The following TET3 variants were observed in gnomAD, a reference collection of about 807,000 sequenced individuals.
TET3 encodes tet methylcytosine dioxygenase 3, also known as methylcytosine dioxygenase TET3.
A neutral mutation model predicts 141.4 loss-of-function variants in TET3; 19 were observed. The observed-to-expected ratio is 0.13, with a 90% CI of 0.09 to 0.20. The LOEUF is 0.20. Among genes scored for constraint, TET3 ranks in the 10% least tolerant of loss-of-function variants. The probability of loss-of-function intolerance (pLI) is 1.00; values close to 1 mark genes in which losing one functional copy is unlikely to be tolerated. For synonymous variants in TET3, 1,043 were observed against 980.9 expected (o/e 1.06, Z -1.18); for missense variants, 1,874 against 2,356.9 (o/e 0.80, Z 4.24).
the TET3 span, among the ~76,000 whole-genome samples, chr2:74,131,696 G>A: frequency 6.6e-6 from 1 of 152,118 alleles, no homozygotes; most frequent in East Asian, 1.9e-4. Context: ...ACCGCACACT[G>A]TTTTTAAAAC....
chr2:74,047,118 C>T lies in TET3; in HGVS notation c.1201C>T (p.Leu401Phe). The T allele has an allele frequency of 6.2e-7, 1 of 1,613,972 alleles. No individual in the cohort carries two copies. Among genetic ancestry groups the T allele is most frequent in the South Asian group, 1.1e-5 (1 of 91,086 alleles). ...CCCTTTCAGATCTCCCCAGTCTTAC[C>T]TCCGGGCTCCCTCATGGCCTGTGGT... ...PAPFRSPQSY[L>F]RAPSWPVVPP... Residue 401 changes from leucine (L) to phenylalanine (F), a missense_variant, in exon 4 of 12, where the codon CTC becomes TTC. Physicochemically the swap from Leu to Phe is conservative, Grantham distance 22. Transcript: ENST00000409262.
chr2:74,076,185 T>TA (rs1410789717), intron 5 of TET3, among the ~76,000 whole-genome samples: 2 of 152,124 alleles, frequency 1.3e-5, no homozygotes, highest in Non-Finnish European at 2.9e-5. Flanking sequence ...CCTGATTCTT[T>TA]AAAAATAACA....
chr2:74,003,490 C>CACTGTT (rs1377691216), intron 3 of TET3, among the ~76,000 whole-genome samples: 72 of 126,774 alleles, frequency 5.7e-4, no homozygotes, highest in African/African-American at 2.2e-3. Flanking sequence ...GGAAATCTCT[C>CACTGTT]GAGAATGTCC....
At chr2:74,115,605 A>G in the TET3 span, among the ~76,000 whole-genome samples, 4 of 152,238 alleles carry the variant, frequency 2.6e-5, no homozygotes, top group African/African-American at 9.7e-5. Context: ...ATAGAGCTAA[A>G]AAAAGAAAGA....
At chr2:74,122,878 G>C in the TET3 span, 1 of 151,472 alleles carries the variant, frequency 6.6e-6, no homozygotes, top group Non-Finnish European at 1.5e-5. Flanking sequence ...ATTTTTTATA[G>C]AGATGGGATT....
At position 74,093,197 on chromosome 2, in the gene TET3, C is replaced by T. The variant is rs1415180843; in HGVS notation, c.3129+206C>T. Among the ~76,000 whole-genome samples, 1 of 152,324 alleles carries T rather than the reference C, an allele frequency of 6.6e-6. No individual in the cohort carries two copies. Among genetic ancestry groups the T allele is most frequent in the Non-Finnish European group, 1.5e-5 (1 of 68,042 alleles). On this transcript the variant is annotated intron_variant, in intron 9 of 11. Transcript: ENST00000409262. The surrounding 1 kb of genome is among the most constrained non-coding windows in gnomAD (Gnocchi z 4.2). The stretch of plus-strand genomic sequence containing the variant: ...CATCCCACACCGTCCCTCTTCTATC[C>T]TGGTCTTCTCCCTTCCCCTGGTAAC...
intron 3 of TET3, among the ~76,000 whole-genome samples, chr2:74,011,768 G>C (rs1685447067): frequency 1.3e-5 from 2 of 151,958 alleles, no homozygotes; most frequent in African/African-American, 4.8e-5. Flanking sequence ...GCTGGGTGTG[G>C]TGGCTCATGC....
At chr2:74,010,097 G>A (rs1276537107) in intron 3 of TET3, among the ~76,000 whole-genome samples, 11 of 152,342 alleles carry the variant, frequency 7.2e-5, no homozygotes, top group East Asian at 1.9e-4. Flanking sequence ...TCCCAGAGGC[G>A]TCATTTGGAC....
chr2:73,987,650 GGCCTGC>G lies in TET3; in HGVS notation c.303+947_303+952del, dbSNP rs1573618669. Among the ~76,000 whole-genome samples the G allele has an allele frequency of 2.6e-5, 4 of 152,360 alleles. No homozygotes were observed. The East Asian group carries it at 5.8e-4, about 22-fold the overall frequency. ...AGAACTGGCGCTGGACAGAGACGGA[GGCCTGC>G]GCTGTCTTCGAGCTCCCCCTGGCTC... On this transcript the variant is annotated intron_variant, in intron 2 of 11. Transcript: ENST00000409262.
At chr2:74,054,647 AG>A (rs1688119547) in intron 4 of TET3, among the ~76,000 whole-genome samples, 1 of 152,148 alleles carries the variant, frequency 6.6e-6, no homozygotes, top group Non-Finnish European at 1.5e-5. Flanking sequence ...ACCACCATTT[AG>A]GGGAGAGGAG....
chr2:74,133,422 G>T, the TET3 span, among the ~76,000 whole-genome samples: 1 of 152,370 alleles, frequency 6.6e-6, no homozygotes, highest in Admixed American at 6.5e-5. Flanking sequence ...TCAACCTGCA[G>T]TCAGGATGCC....
chr2:74,039,390 C>G (rs565021499), intron 3 of TET3, among the ~76,000 whole-genome samples: 56 of 152,308 alleles, frequency 3.7e-4, no homozygotes, highest in Non-Finnish European at 6.3e-4. Flanking sequence ...GCTGTATATA[C>G]TGAGCCACCA....
intron 4 of TET3, among the ~76,000 whole-genome samples, chr2:74,059,533 G>A (rs1688391936): frequency 6.6e-6 from 1 of 152,246 alleles, no homozygotes; most frequent in South Asian, 2.1e-4. Flanking sequence ...AGGATTACAG[G>A]TGTGAGCCAC....
At chr2:74,057,624 A>G (rs1428257924) in intron 4 of TET3, among the ~76,000 whole-genome samples, 2 of 152,172 alleles carry the variant, frequency 1.3e-5, no homozygotes, top group East Asian at 1.9e-4. Context: ...ACATTTGGCA[A>G]TATCTGAGGA....
In TET3 at chr2:74,101,300, T is replaced by G. The variant is rs377551317; in HGVS notation, c.4512T>G (p.Ser1504=). The change falls in exon 12 of 12, where the codon TCT becomes TCG. Residue 1504 remains serine, a synonymous_variant. Coordinates refer to ENST00000409262, the MANE Select transcript of TET3 (RefSeq NM_001287491.2). The surrounding 1 kb of genome is among the most constrained non-coding windows in gnomAD (Gnocchi z 8.5). ...AGGGGCAGCAGGCAGCTTCCCACTC[T>G]GGAGGACGGCTGCGAGGCAAACCGT... ...PGEGQQAASH[S]GGRLRGKPWS... is the part of the protein sequence containing the mutation. 1.8e-5 allele frequency: 29 copies of G among 1,613,254 alleles called. No individual in the cohort carries two copies. The South Asian group carries it at 3.2e-4, about 18-fold the overall frequency.
chr2:74,003,075 G>A (rs946621126), intron 2 of TET3, 35 bp from the exon 3 acceptor site: 4 of 1,550,208 alleles, frequency 2.6e-6, no homozygotes, highest in Non-Finnish European at 3.5e-6. Context: ...CCTGGTACCC[G>A]CCTGGCTCAC....
intron 6 of TET3, among the ~76,000 whole-genome samples, chr2:74,081,258 T>G (rs1415321616): frequency 6.6e-6 from 1 of 152,232 alleles, no homozygotes; most frequent in Non-Finnish European, 1.5e-5. Flanking sequence ...CAGGGAGATC[T>G]TTAAATAGCA....
the TET3 span, among the ~76,000 whole-genome samples, chr2:74,129,642 T>A: frequency 6.8e-5 from 10 of 147,474 alleles, no homozygotes; most frequent in Admixed American, 1.3e-4. Context: ...AAAAAAAAAA[T>A]GAATTGAAAA....
At chr2:74,043,643 A>G (rs1687461620) in intron 3 of TET3, among the ~76,000 whole-genome samples, 1 of 152,240 alleles carries the variant, frequency 6.6e-6, no homozygotes, top group African/African-American at 2.4e-5. Context: ...AACTGCGTGT[A>G]CAAAGCCTGG....
Sources: gnomAD v4.1 joint callset for allele counts (sites outside exome capture counted in the v4.1 genomes callset) on GRCh38, gnomAD v4.1.1 for gene constraint, Gnocchi (gnomAD v3.1) non-coding constraint, MANE v1.5 for transcripts, NCBI Gene and HGNC (gene_info 2026-07-23, HGNC 2026-07-21) for gene names.